The following RAD9A variants were observed in gnomAD, a reference collection of about 807,000 sequenced individuals.
The protein encoded by RAD9A is cell cycle checkpoint control protein RAD9A.
A neutral mutation model predicts 41.2 loss-of-function variants in RAD9A; 25 were observed. That is an observed-to-expected ratio of 0.61 (90% CI 0.44 to 0.85). RAD9A has a LOEUF of 0.85. RAD9A is among the 40% of genes least tolerant of loss of function. RAD9A has a pLI of 0.00. For missense variants in RAD9A, 514 were observed against 518.3 expected (o/e 0.99, Z 0.08); for synonymous variants, 252 against 210.6 (o/e 1.20, Z -1.70).
In RAD9A at chr11:67,393,513, C is replaced by T. The variant is rs1239288648; in HGVS notation, c.252C>T (p.Phe84=). 6.2e-7 allele frequency: 1 copy of T among 1,614,200 alleles called. No homozygotes were observed. Among genetic ancestry groups the T allele is most frequent in the Non-Finnish European group, 8.5e-7 (1 of 1,180,046 alleles). Residue 84 remains phenylalanine, a synonymous_variant, in exon 4 of 11, where the codon TTC becomes TTT. Coordinates refer to ENST00000307980, the MANE Select transcript of RAD9A (RefSeq NM_004584.3). ...KILMKSFLSV[F]RSLAMLEKTV... ...CCATGCAGTCTTTCCTGTCTGTCTTCCGCTCACTGGCGATGCTGGAGAAGA... is the reference window on the plus strand; with the variant it reads ...CCATGCAGTCTTTCCTGTCTGTCTTTCGCTCACTGGCGATGCTGGAGAAGA...
chr11:67,392,959 G>A, intron 3 of RAD9A, 177 bp downstream of exon 3: 1 of 969,680 alleles, frequency 1.0e-6, no homozygotes, highest in Middle Eastern at 3.3e-4. Context: ...CTGAGAGGGT[G>A]GTGACGCTCA....
At chr11:67,395,110 A>G (rs1862640130) in intron 5 of RAD9A, 1 of 151,470 alleles carries the variant, frequency 6.6e-6, no homozygotes. Context: ...CGGCTAATTT[A>G]TATATGTTTA....
At position 67,397,967 on chromosome 11, in the gene RAD9A, C is replaced by A; in HGVS notation, c.*408C>A. The stretch of plus-strand genomic sequence containing the variant: ...CTCTGCCAATCATGACCTGTTCCTT[C>A]CTGAAGTCCTGGGCATGCATCTGGG... On this transcript the variant is annotated 3_prime_UTR_variant, in exon 11 of 11. Transcript: ENST00000307980. 1 of 210,762 alleles carries A rather than the reference C, an allele frequency of 4.7e-6. No individual in the cohort carries two copies. The highest frequency in any genetic ancestry group is 5.4e-5 in the Admixed American group (1 of 18,514). 13.1% of individuals were successfully genotyped at this position (210,762 alleles called of 1,614,324 possible).
chr11:67,393,428 G>GCC, intron 3 of RAD9A, 68 bp from the exon 4 acceptor site: 3 of 1,579,492 alleles, frequency 1.9e-6, no homozygotes, highest in South Asian at 2.3e-5. Context: ...ATGGGTGTGG[G>GCC]CCTGCATGGG....
At chr11:67,392,107 G>A (rs1249879287) in intron 1 of RAD9A, 29 bp downstream of exon 1, 1 of 1,604,516 alleles carries the variant, frequency 6.2e-7, no homozygotes, top group African/African-American at 1.3e-5. Context: ...GGCAGCGGCG[G>A]TGCAGCAGCC....
At chr11:67,392,117 C>T (rs1171838989) in intron 1 of RAD9A, 39 bp downstream of exon 1, 2 of 1,606,490 alleles carry the variant, frequency 1.2e-6, no homozygotes, top group East Asian at 2.2e-5. Context: ...GTGCAGCAGC[C>T]GCGGAGCCGC....
Position 67,392,030 on chromosome 11 carries a change from G to T in RAD9A, c.-15G>T. On this transcript the variant is annotated 5_prime_UTR_variant, in exon 1 of 11. Transcript: ENST00000307980. Reference sequence around the variant, plus strand: ...AGCTGGGCAGTGTTGGCCGCTGGCGGAGCGCTGGGGCAGCATGAAGTGCCT... The same window carrying T: ...AGCTGGGCAGTGTTGGCCGCTGGCGTAGCGCTGGGGCAGCATGAAGTGCCT... 6.4e-7 allele frequency: 1 copy of T among 1,559,832 alleles called. No individual in the cohort carries two copies. The highest frequency in any genetic ancestry group is 8.7e-7 in the Non-Finnish European group (1 of 1,154,704).
chr11:67,397,518 C>G lies in RAD9A; in HGVS notation c.1135C>G (p.Pro379Ala). 1 of 1,611,946 alleles carries G rather than the reference C, an allele frequency of 6.2e-7. No homozygotes were observed. Among genetic ancestry groups the G allele is most frequent in the South Asian group, 1.1e-5 (1 of 90,996 alleles). Residue 379 changes from proline to alanine, a missense_variant, in exon 11 of 11, where the codon CCC becomes GCC. By Grantham distance (27) the Pro-to-Ala change is conservative. Around this residue, in one of 3 missense-constraint regions of RAD9A, gnomAD observed 216 missense variants for 184.2 expected, o/e 1.17. Transcript: ENST00000307980. ...GGCCCCTGTACGCTCCCCCCAGGGC[C>G]CCAGCCCTGTGCTGGCGGAAGACAG... ...ILAPVRSPQG[P>A]SPVLAEDSEG... is the part of the protein sequence containing the mutation.
chr11:67,392,845 TGCCCTGG>T lies in RAD9A; in HGVS notation c.234+65_234+71del. The T allele has an allele frequency of 2.5e-6, 4 of 1,578,280 alleles. No individual in the cohort carries two copies. The South Asian group carries it at 4.4e-5, about 18-fold the overall frequency. The stretch of plus-strand genomic sequence containing the variant: ...CAGGAATCTCCACCAGCTGTGCCTC[TGCCCTGG>T]GGTACTCAGTAGATGCTAAGTGGGG... On this transcript the variant is annotated intron_variant, in intron 3 of 10. Coordinates refer to ENST00000307980, the MANE Select transcript of RAD9A (RefSeq NM_004584.3).
At chr11:67,396,543 T>A in intron 9 of RAD9A, 143 bp downstream of exon 9, 1 of 1,074,752 alleles carries the variant, frequency 9.3e-7, no homozygotes, top group Non-Finnish European at 1.3e-6. Context: ...CCTAACCCTA[T>A]AGTGCTCACA....
intron 3 of RAD9A, 22 bp from the exon 4 acceptor site, chr11:67,393,474 T>G (rs376160382): frequency 1.2e-6 from 2 of 1,613,066 alleles, no homozygotes; most frequent in Non-Finnish European, 1.7e-6. Context: ...GATGCTAGGC[T>G]GAGGTGTCTT....
chr11:67,395,541 T>C (rs1445220000), intron 5 of RAD9A, 175 bp from the exon 6 acceptor site: 1 of 599,948 alleles, frequency 1.7e-6, no homozygotes, highest in Non-Finnish European at 2.9e-6. Flanking sequence ...CCTGCCAGGT[T>C]TGAGCAACCA....
chr11:67,395,654 C>G, intron 5 of RAD9A, 62 bp from the exon 6 acceptor site: 3 of 1,336,432 alleles, frequency 2.2e-6, no homozygotes. Context: ...ACCTCAGGTC[C>G]TCCGAGAGCA....
intron 5 of RAD9A, 64 bp downstream of exon 5, chr11:67,393,854 G>T (rs1436641587): frequency 7.4e-7 from 1 of 1,352,110 alleles, no homozygotes. Flanking sequence ...GGGCCCCAAG[G>T]GGTTGATTTT....
chr11:67,397,144 C>T (rs200593199), intron 9 of RAD9A, 35 bp from the exon 10 acceptor site: 4 of 1,541,824 alleles, frequency 2.6e-6, no homozygotes, highest in Non-Finnish European at 3.6e-6. Context: ...TCTGCTCCCC[C>T]AGTCCCCTCC....
Position 67,398,073 on chromosome 11 carries a change from G to C in RAD9A, c.*514G>C, listed in dbSNP as rs1178043205. 9.8e-6 allele frequency: 2 copies of C among 204,688 alleles called. No individual in the cohort carries two copies. Among genetic ancestry groups the C allele is most frequent in the East Asian group, 2.8e-4 (2 of 7,272 alleles). The allele number at this position is 204,688 out of a possible 1,614,324, so 12.7% of individuals were successfully genotyped here. ...TTGGAATTCTAAGAGCCTTGGACCCGAGTGTGTGGCTAGGGTTGCCCTGGC... is the reference window on the plus strand; with the variant it reads ...TTGGAATTCTAAGAGCCTTGGACCCCAGTGTGTGGCTAGGGTTGCCCTGGC... On this transcript the variant is annotated 3_prime_UTR_variant, in exon 11 of 11. Transcript: ENST00000307980.
rs2134975126 is a variant in RAD9A, at chr11:67,398,233, A to T, written c.*674A>T. 2.3e-6 allele frequency: 1 copy of T among 432,946 alleles called. No homozygotes were observed. Among genetic ancestry groups the T allele is most frequent in the African/African-American group, 2.0e-5 (1 of 50,340 alleles). 26.8% of individuals were successfully genotyped at this position (432,946 alleles called of 1,614,324 possible). A position where few individuals can be genotyped will look rare whatever the true frequency, so the allele number is the denominator to read the frequency against. ...AAGAGACCAGATGGGTTGCCCCAGG[A>T]TCCGGCTGCCAGCCCTGAGGCCAAG... On this transcript the variant is annotated 3_prime_UTR_variant, in exon 11 of 11. Transcript: ENST00000307980.
intron 5 of RAD9A, chr11:67,395,431 A>G: frequency 2.2e-6 from 1 of 461,502 alleles, no homozygotes; most frequent in Non-Finnish European, 3.8e-6. Flanking sequence ...CTTAGAGGAT[A>G]AGGATTTCAG....
At position 67,397,387 on chromosome 11, in the gene RAD9A, G is replaced by A. The variant is rs1341932239; in HGVS notation, c.1080+1G>A. ...GCCTGGGACTCCCCCACCCAAGAAG[G>A]TAGGGACTGGAGGTGGAGGCAGGGG... On this transcript the variant is annotated splice_donor_variant, in intron 10 of 10. Coordinates refer to ENST00000307980, the MANE Select transcript of RAD9A (RefSeq NM_004584.3). LOFTEE classifies it high-confidence loss of function. The A allele has an allele frequency of 1.9e-6, 3 of 1,597,822 alleles. No individual in the cohort carries two copies. The highest frequency in any genetic ancestry group is 1.7e-6 in the Non-Finnish European group (2 of 1,168,386).
Sources: gnomAD v4.1 joint callset for allele counts on GRCh38, gnomAD v4.1.1 for gene constraint, gnomAD v4.1.1 regional missense constraint, MANE v1.5 for transcripts, NCBI Gene and HGNC (gene_info 2026-07-23, HGNC 2026-07-21) for gene names.